The following CZIB variants were observed in gnomAD, a reference collection of about 807,000 sequenced individuals.
The protein encoded by CZIB is UPF0587 protein C1orf123.
CZIB carries 26 observed loss-of-function variants against 28.3 expected under a neutral mutation model. The ratio of observed to expected loss-of-function variants is 0.92; its 90% CI spans 0.67 to 1.27. The LOEUF (loss-of-function observed/expected upper bound fraction) is 1.27, where lower values mean the gene tolerates loss of function less well. Among genes scored for constraint, CZIB ranks in the 50% most tolerant of loss-of-function variants. CZIB has a pLI of 0.00. For synonymous variants in CZIB, 78 were observed against 71.1 expected, an observed-to-expected ratio of 1.10 and a Z score of -0.49; for missense variants, 179 against 197.3, an observed-to-expected ratio of 0.91 and a Z score of 0.56.
At chr1:53,218,346 ACTTTC>A in intron 4 of CZIB, 63 bp downstream of exon 4, 2 of 1,592,708 alleles carry the variant, frequency 1.3e-6, no homozygotes, top group East Asian at 2.2e-5. Flanking sequence ...ACATGAGTCT[ACTTTC>A]AGCCTGGTGC....
At chr1:53,218,257 C>G (rs1645486823) in intron 4 of CZIB, 54 bp from the exon 5 acceptor site, 5 of 1,604,428 alleles carry the variant, frequency 3.1e-6, no homozygotes, top group Non-Finnish European at 4.3e-6. Context: ...CTCGCCCCAG[C>G]CAGGTGCCCA....
intron 3 of CZIB, 141 bp from the exon 4 acceptor site, chr1:53,218,636 G>T (rs945855800): frequency 3.3e-6 from 3 of 905,738 alleles, no homozygotes; most frequent in Non-Finnish European, 5.1e-6. Flanking sequence ...TCCTGGGAAG[G>T]CTTCCTGAGG....
intron 2 of CZIB, chr1:53,219,940 A>G (rs1192867686): frequency 3.1e-6 from 1 of 322,100 alleles, no homozygotes; most frequent in East Asian, 6.2e-5. Context: ...AAAGAAAACC[A>G]AATCAATAAA....
intron 7 of CZIB, 104 bp from the exon 8 acceptor site, chr1:53,214,840 A>T: frequency 1.2e-6 from 1 of 856,636 alleles, no homozygotes; most frequent in Non-Finnish European, 1.9e-6. Context: ...TGACTCAAAT[A>T]ATCATGAACA....
chr1:53,218,828 G>T, intron 3 of CZIB, 39 bp downstream of exon 3: 5 of 1,563,202 alleles, frequency 3.2e-6, no homozygotes, highest in Non-Finnish European at 3.5e-6. Flanking sequence ...ATGTGTGTTT[G>T]TGAGTGTTTA....
chr1:53,220,460 G>C, intron 1 of CZIB, 110 bp downstream of exon 1: 1 of 1,577,330 alleles, frequency 6.3e-7, no homozygotes, highest in Non-Finnish European at 8.6e-7. Context: ...TCTGCCTCCT[G>C]CTCCTTCAGC....
intron 7 of CZIB, among the ~76,000 whole-genome samples, chr1:53,215,016 T>C (rs1012092704): frequency 2.6e-5 from 4 of 152,156 alleles, no homozygotes; most frequent in Non-Finnish European, 5.9e-5. Context: ...ATATTGAATG[T>C]TGAAAGAATC....
At chr1:53,217,850 C>A (rs968671515) in intron 5 of CZIB, 13 of 342,784 alleles carry the variant, frequency 3.8e-5, no homozygotes, top group Non-Finnish European at 7.0e-5. Flanking sequence ...GACTACCCCA[C>A]CCATGGTTTC....
Position 53,214,294 on chromosome 1 carries a change from G to T in CZIB, c.*365C>A. ...TTCAGGTAACAGTACGTCACCATTG[G>T]CTTCTGGCTCATTGAGTGATGGTGG... On this transcript the variant is annotated 3_prime_UTR_variant, in exon 8 of 8. Transcript: ENST00000294360. 1 of 212,908 alleles carries T rather than the reference G, an allele frequency of 4.7e-6. No homozygotes were observed. The highest frequency in any genetic ancestry group is 9.4e-6 in the Non-Finnish European group (1 of 106,276). The allele number at this position is 212,908 out of a possible 1,614,324, so 13.2% of individuals were successfully genotyped here.
intron 5 of CZIB, 78 bp from the exon 6 acceptor site, chr1:53,216,937 A>T: frequency 8.0e-7 from 1 of 1,255,472 alleles, no homozygotes; most frequent in Non-Finnish European, 1.2e-6. Flanking sequence ...CTTCCTGCCA[A>T]ATGGGCACTT....
intron 6 of CZIB, 66 bp from the exon 7 acceptor site, chr1:53,216,122 C>T (rs1645471434): frequency 1.4e-5 from 21 of 1,489,120 alleles, no homozygotes; most frequent in Middle Eastern, 1.9e-4. Flanking sequence ...AAGTAAGGGC[C>T]GGCCAGGCTG....
chr1:53,218,926 T>C lies in CZIB; in HGVS notation c.91-3A>G. 2 of 1,613,472 alleles carry C rather than the reference T, an allele frequency of 1.2e-6. No homozygotes were observed. Among genetic ancestry groups the C allele is most frequent in the Non-Finnish European group, 1.7e-6 (2 of 1,179,460 alleles). On this transcript the variant is annotated splice_region_variant and splice_polypyrimidine_tract_variant and intron_variant, in intron 2 of 7. Transcript: ENST00000294360. ...TCACCACAGTTGCCACATTTCATCT[T>C]TGGGGAAAAAGAATGTTAGTAAAGC...
chr1:53,219,259 T>C, intron 2 of CZIB: 1 of 337,408 alleles, frequency 3.0e-6, no homozygotes, highest in Non-Finnish European at 5.6e-6. Flanking sequence ...TACAGCTATA[T>C]GGGAGGAATA....
At position 53,216,845 on chromosome 1, in the gene CZIB, C is replaced by T. The variant is rs753711088; in HGVS notation, c.276G>A (p.Glu92=). 2.5e-6 allele frequency: 4 copies of T among 1,614,004 alleles called. No homozygotes were observed. The African/African-American group carries it at 4.0e-5, about 16-fold the overall frequency. The change falls in exon 6 of 8, where the codon GAG becomes GAA. Residue 92 remains glutamate, a synonymous_variant. Coordinates refer to ENST00000294360, the MANE Select transcript of CZIB (RefSeq NM_017887.3). ...CAAACTCCACTATTGTCTTGAAGTTCTCATTGTCTTCAGCCTAGAAAGGAA... is the reference window on the plus strand; with the variant it reads ...CAAACTCCACTATTGTCTTGAAGTTTTCATTGTCTTCAGCCTAGAAAGGAA... ...TIKPYNAEDN[E]NFKTIVEFEC...
At chr1:53,218,818 A>C in intron 3 of CZIB, 49 bp downstream of exon 3, 3 of 1,507,760 alleles carry the variant, frequency 2.0e-6, no homozygotes, top group Non-Finnish European at 2.8e-6. Context: ...CCAGAAGTGT[A>C]TGTGTGTTTG....
In CZIB at chr1:53,214,232, T is replaced by C. The variant is rs976277044; in HGVS notation, c.*427A>G. ...TAATTTCTTTTAACCTAATTCCTAA[T>C]CCTCACAAAGATCTTTCCAACAGCA... On this transcript the variant is annotated 3_prime_UTR_variant, in exon 8 of 8. Coordinates refer to ENST00000294360, the MANE Select transcript of CZIB (RefSeq NM_017887.3). 12 of 169,372 alleles carry C rather than the reference T, an allele frequency of 7.1e-5. No individual in the cohort carries two copies. Among genetic ancestry groups the C allele is most frequent in the African/African-American group, 2.6e-4 (11 of 41,946 alleles). The allele number at this position is 169,372 out of a possible 1,614,324, so 10.5% of individuals were successfully genotyped here.
At chr1:53,220,130 T>C in intron 2 of CZIB, 131 bp downstream of exon 2, 2 of 788,500 alleles carry the variant, frequency 2.5e-6, no homozygotes, top group South Asian at 3.6e-5. Flanking sequence ...AAACGTAAAA[T>C]TCTAACTAGG....
rs749762985 is a variant in CZIB at position 53,218,206 on chromosome 1, G to GA, written c.230-4dup. On this transcript the variant is annotated splice_polypyrimidine_tract_variant and splice_region_variant and intron_variant, in intron 4 of 7. Coordinates refer to ENST00000294360, the MANE Select transcript of CZIB (RefSeq NM_017887.3). ...CTTGATGGTGCTGCTTAAAATCTCT[G>GA]AAATAGAAAAGAGAACACAAAGTTG... is the stretch of plus-strand genomic sequence containing the variant. The GA allele has an allele frequency of 6.2e-7, 1 of 1,614,088 alleles. No individual in the cohort carries two copies. The highest frequency in any genetic ancestry group is 1.1e-5 in the South Asian group (1 of 91,078).
At position 53,216,861 on chromosome 1, in the gene CZIB, T is replaced by C. The variant is rs778827989; in HGVS notation, c.262-2A>G. On this transcript the variant is annotated splice_acceptor_variant, in intron 5 of 7. Transcript: ENST00000294360. LOFTEE classifies it high-confidence loss of function. Reference sequence around the variant, plus strand: ...CTTGAAGTTCTCATTGTCTTCAGCCTAGAAAGGAAGTGTGTTGAGGAGGCA... The same window carrying C: ...CTTGAAGTTCTCATTGTCTTCAGCCCAGAAAGGAAGTGTGTTGAGGAGGCA... The C allele has an allele frequency of 1.4e-5, 22 of 1,613,790 alleles. No homozygotes were observed. In the African/African-American group the frequency reaches 2.9e-4, roughly 22 times the overall value.
Sources: allele counts gnomAD v4.1 joint callset (sites outside exome capture counted in the v4.1 genomes callset), GRCh38; gene constraint gnomAD v4.1.1; transcripts MANE v1.5; gene names NCBI Gene and HGNC (gene_info 2026-07-23, HGNC 2026-07-21).